The following AFP variants were observed in gnomAD, a reference collection of about 807,000 sequenced individuals.
The protein encoded by AFP is alpha-fetoprotein.
A neutral mutation model predicts 78.9 loss-of-function variants in AFP; 64 were observed. The observed-to-expected ratio is 0.81, with a 90% CI of 0.66 to 1.00. The LOEUF (loss-of-function observed/expected upper bound fraction) is 1.00. Among genes scored for constraint, AFP ranks in the 50% least tolerant of loss-of-function variants. AFP has a pLI of 0.00. For missense variants in AFP, 689 were observed against 703.8 expected (o/e 0.98, Z 0.24); for synonymous variants, 254 against 243.8 (o/e 1.04, Z -0.39).
In AFP at chr4:73,436,360, G is replaced by A. The variant is rs111642463; in HGVS notation, c.85+13G>A. 7.6e-4 allele frequency: 1,125 copies of A among 1,488,296 alleles called. 2 individuals carry two copies. Among genetic ancestry groups the A allele is most frequent in the African/African-American group, 6.3e-3 (450 of 71,838 alleles). 92.2% of individuals were successfully genotyped at this position (1,488,296 alleles called of 1,614,324 possible). ...GAATATGGAATAGGTGAGATATTTT[G>A]TGTTTTTCTTGTCTTTTCTCTATAT... On this transcript the variant is annotated intron_variant, in intron 1 of 14. Transcript: ENST00000395792.
intron 3 of AFP, among the ~76,000 whole-genome samples, chr4:73,439,096 A>G (rs542760345): frequency 5.1e-4 from 78 of 152,220 alleles, no homozygotes; most frequent in Admixed American, 9.2e-4. Flanking sequence ...AAAACATAAT[A>G]CCCAGTTCAA....
At chr4:73,447,319 C>G in intron 7 of AFP, 143 bp from the exon 8 acceptor site, 14 of 419,774 alleles carry the variant, frequency 3.3e-5, no homozygotes, top group Admixed American at 4.2e-5. Flanking sequence ...TCCCTTTCCC[C>G]TTCCTTCTTT....
At position 73,449,361 on chromosome 4, in the gene AFP, A is replaced by G. The variant is rs1719919703; in HGVS notation, c.1085A>G (p.His362Arg). ...ASFVHEYSRRHPQLAVSVILR... is the reference protein window; with the variant it reads ...ASFVHEYSRRRPQLAVSVILR... ...TTTGTTCATGAATATTCAAGAAGAC[A>G]TCCTCAGCTTGCTGTCTCAGTAATT... The change falls in exon 9 of 15, where the codon CAT (histidine) becomes CGT (arginine). Residue 362 changes from histidine to arginine, a missense_variant. Transcript: ENST00000395792. 8 of 1,613,312 alleles carry G rather than the reference A, an allele frequency of 5.0e-6. No homozygotes were observed. The highest frequency in any genetic ancestry group is 2.5e-6 in the Non-Finnish European group (3 of 1,179,578).
rs1577957645 is a variant in AFP at position 73,449,331 on chromosome 4, T to A, written c.1059-4T>A. The A allele has an allele frequency of 1.2e-6, 2 of 1,612,284 alleles. No homozygotes were observed. The highest frequency in any genetic ancestry group is 3.3e-4 in the Middle Eastern group (2 of 6,058). On this transcript the variant is annotated splice_region_variant and splice_polypyrimidine_tract_variant and intron_variant, in intron 8 of 14. Transcript: ENST00000395792. ...CTTGAAATATTTTTCTCCACATATT[T>A]CAGTTTTGTTCATGAATATTCAAGA...
At chr4:73,449,564 T>A in intron 9 of AFP, 97 bp downstream of exon 9, 1 of 1,396,430 alleles carries the variant, frequency 7.2e-7, no homozygotes, top group South Asian at 1.2e-5. Context: ...TTTCAACTAG[T>A]TGTTAGCCAG....
intron 6 of AFP, 115 bp downstream of exon 6, chr4:73,443,559 C>T (rs745662360): frequency 1.5e-4 from 112 of 767,580 alleles, no homozygotes; most frequent in Non-Finnish European, 2.2e-4. Flanking sequence ...CCTTTGTGAC[C>T]CCTTTGATGA....
chr4:73,452,707 T>C (rs1315797928), intron 12 of AFP, 83 bp downstream of exon 12: 2 of 1,103,700 alleles, frequency 1.8e-6, no homozygotes, highest in Admixed American at 3.8e-5. Flanking sequence ...CACCTAACAC[T>C]ATTGGGCTCA....
chr4:73,455,260 C>T lies in AFP; in HGVS notation c.1810C>T (p.Arg604Cys), dbSNP rs555650673. 15 of 1,612,502 alleles carry T rather than the reference C, an allele frequency of 9.3e-6. No homozygotes were observed. The highest frequency in any genetic ancestry group is 4.4e-5 in the South Asian group (4 of 91,044). The change falls in exon 14 of 15, where the codon CGT becomes TGT. Residue 604 changes from arginine to cysteine, a missense_variant. By Grantham distance (180) the Arg-to-Cys change is radical. Coordinates refer to ENST00000395792, the MANE Select transcript of AFP (RefSeq NM_001134.3). The stretch of plus-strand genomic sequence containing the variant: ...GGGACAAAAACTGATTTCAAAAACT[C>T]GTGCTGCTTTGGGAGTTTAAATTAC... ...EEGQKLISKTRAALGV is the reference protein window; with the variant it reads ...EEGQKLISKTCAALGV
rs1720141032 is a variant in AFP, at chr4:73,455,689, C to G, written c.*69C>G. ...TGTGAACTTTTCTCTTTAATTTTAA[C>G]TGATTTAACACTTTTTGTGAATTAA... On this transcript the variant is annotated 3_prime_UTR_variant, in exon 15 of 15. Transcript: ENST00000395792. 2.9e-6 allele frequency: 2 copies of G among 695,538 alleles called. No individual in the cohort carries two copies. Among genetic ancestry groups the G allele is most frequent in the African/African-American group, 1.8e-5 (1 of 56,990 alleles). The allele number at this position is 695,538 out of a possible 1,614,324, so 43.1% of individuals were successfully genotyped here. A position where few individuals can be genotyped will look rare whatever the true frequency, so the allele number is the denominator to read the frequency against.
intron 2 of AFP, 49 bp downstream of exon 2, chr4:73,437,260 A>C: frequency 6.8e-7 from 1 of 1,465,676 alleles, no homozygotes; most frequent in East Asian, 2.3e-5. Flanking sequence ...AGCAAGGATA[A>C]GTAAATACTT....
In AFP at chr4:73,452,407, A is replaced by G. The variant is rs1329586864; in HGVS notation, c.1435A>G (p.Ile479Val). The change falls in exon 12 of 15, where the codon ATT becomes GTT. Residue 479 changes from isoleucine (I) to valine (V), a missense_variant. By Grantham distance (29) the Ile-to-Val change is conservative. Transcript: ENST00000395792. ...TTCTCATTCTCCTAACCAGGCTGAC[A>G]TTATTATCGGACACTTATGTATCAG... The part of the protein sequence containing the change: ...LLACGEGAAD[I>V]IIGHLCIRHE... The G allele has an allele frequency of 1.2e-6, 2 of 1,613,762 alleles. No homozygotes were observed. The highest frequency in any genetic ancestry group is 1.3e-5 in the African/African-American group (1 of 74,892).
At chr4:73,449,797 T>C (rs917194449) in intron 9 of AFP, among the ~76,000 whole-genome samples, 1 of 152,236 alleles carries the variant, frequency 6.6e-6, no homozygotes, top group African/African-American at 2.4e-5. Flanking sequence ...CAGAAAGAAC[T>C]GTAACCATTT....
At position 73,450,632 on chromosome 4, in the gene AFP, C is replaced by T; in HGVS notation, c.1307C>T (p.Thr436Ile). The T allele has an allele frequency of 6.2e-7, 1 of 1,614,142 alleles. No homozygotes were observed. Among genetic ancestry groups the T allele is most frequent in the East Asian group, 2.2e-5 (1 of 44,876 alleles). The change falls in exon 11 of 15, where the codon ACA (threonine) becomes ATA (isoleucine). Residue 436 changes from threonine (T) to isoleucine (I), a missense_variant. Thr to Ile is a moderately conservative substitution (Grantham distance 89). Coordinates refer to ENST00000395792, the MANE Select transcript of AFP (RefSeq NM_001134.3). ...TCTTTCAGGTTTCTCGTTGCTTACACAAAGAAAGCCCCCCAGCTGACCTCG... is the reference window on the plus strand; with the variant it reads ...TCTTTCAGGTTTCTCGTTGCTTACATAAAGAAAGCCCCCCAGCTGACCTCG... ...YLQNAFLVAY[T>I]KKAPQLTSSE...
chr4:73,451,607 G>A (rs998819213), intron 11 of AFP, among the ~76,000 whole-genome samples: 10 of 152,138 alleles, frequency 6.6e-5, no homozygotes, highest in African/African-American at 2.2e-4. Context: ...TGTATGTTCC[G>A]GAGGCCACCA....
At chr4:73,454,094 A>G (rs189641455) in intron 13 of AFP, among the ~76,000 whole-genome samples, 197 bp downstream of exon 13, 2 of 151,710 alleles carry the variant, frequency 1.3e-5, no homozygotes, top group East Asian at 1.9e-4. Context: ...AAAATTTATA[A>G]TATTAAAATA....
intron 4 of AFP, among the ~76,000 whole-genome samples, chr4:73,441,912 G>A (rs1719680627): frequency 6.6e-6 from 1 of 152,204 alleles, no homozygotes; most frequent in Admixed American, 6.5e-5. Flanking sequence ...ATTCTGCACT[G>A]ACAAGGGATA....
intron 8 of AFP, among the ~76,000 whole-genome samples, chr4:73,448,376 C>T (rs1435134805): frequency 2.0e-5 from 3 of 152,076 alleles, no homozygotes; most frequent in East Asian, 1.9e-4. Context: ...GGACATTATA[C>T]TTGATAATTT....
At chr4:73,443,202 T>C (rs1467547090) in intron 5 of AFP, 145 bp from the exon 6 acceptor site, 2 of 710,036 alleles carry the variant, frequency 2.8e-6, no homozygotes, top group East Asian at 5.4e-5. Context: ...TATTCTGCGA[T>C]AATGTATGAC....
intron 14 of AFP, 114 bp downstream of exon 14, chr4:73,455,404 C>A (rs527680448): frequency 9.3e-5 from 85 of 913,958 alleles, no homozygotes; most frequent in Non-Finnish European, 1.3e-4. Flanking sequence ...ACATGGAATT[C>A]AAAAAAAAGT....
Sources: gnomAD v4.1 joint callset for allele counts (sites outside exome capture counted in the v4.1 genomes callset) on GRCh38, gnomAD v4.1.1 for gene constraint, MANE v1.5 for transcripts, NCBI Gene and HGNC (gene_info 2026-07-23, HGNC 2026-07-21) for gene names.